Variants in LRBA observed in about 807,000 individuals in gnomAD.
LRBA encodes LPS responsive beige-like anchor protein.
Under a neutral mutation model 330.0 loss-of-function variants are expected in LRBA, and 176 were observed. The observed-to-expected ratio is 0.53, with a 90% CI of 0.47 to 0.60. The LOEUF is 0.60. Among genes scored for constraint, LRBA ranks in the 20% least tolerant of loss-of-function variants. The pLI is 0.00. For missense variants in LRBA, 3,259 were observed against 3,444.8 expected, an observed-to-expected ratio of 0.95 and a Z score of 1.35; for synonymous variants, 1,230 against 1,193.0, an observed-to-expected ratio of 1.03 and a Z score of -0.64.
chr4:150,915,103 T>C (rs1169494613), intron 8 of LRBA, among the ~76,000 whole-genome samples: 1 of 152,138 alleles, frequency 6.6e-6, no homozygotes, highest in African/African-American at 2.4e-5. Flanking sequence ...GGTGTGTGGG[T>C]AGTGTACTTT....
chr4:150,444,852 A>C (rs1181699907), intron 44 of LRBA, among the ~76,000 whole-genome samples: 1 of 152,200 alleles, frequency 6.6e-6, no homozygotes, highest in Non-Finnish European at 1.5e-5. Context: ...TGATAGATTT[A>C]CTAGTGATGT....
At chr4:150,519,594 T>C (rs1235577834) in intron 40 of LRBA, among the ~76,000 whole-genome samples, 5 of 152,182 alleles carry the variant, frequency 3.3e-5, no homozygotes, top group Non-Finnish European at 7.4e-5. Flanking sequence ...TGTAACATGA[T>C]TGGTGTATCT....
intron 41 of LRBA, among the ~76,000 whole-genome samples, chr4:150,489,137 A>C (rs1248397377): frequency 3.0e-5 from 2 of 67,686 alleles, no homozygotes; most frequent in East Asian, 4.8e-4. Flanking sequence ...AAGAATATAT[A>C]ATATATAATA....
Position 150,905,876 on chromosome 4 carries a change from G to A in LRBA, c.1717C>T (p.Leu573Phe). 6.2e-7 allele frequency: 1 copy of A among 1,613,626 alleles called. No individual in the cohort carries two copies. Among genetic ancestry groups the A allele is most frequent in the South Asian group, 1.1e-5 (1 of 91,038 alleles). The change falls in exon 13 of 57, where the codon CTT (leucine) becomes TTT (phenylalanine). Residue 573 changes from leucine (L) to phenylalanine (F), a missense_variant. Physicochemically the swap from Leu to Phe is conservative, Grantham distance 22. Transcript: ENST00000651943. ...PLLKQLCDHV[L>F]LNPAIWIHTP... ...TGAATCCATATGGCAGGATTAAGAA[G>A]AACGTGATCACACAATTGCTTGAGC...
intron 36 of LRBA, 66 bp from the exon 37 acceptor site, chr4:150,683,783 T>C: frequency 8.0e-7 from 1 of 1,253,550 alleles, no homozygotes; most frequent in South Asian, 1.5e-5. Context: ...CATTATGAAA[T>C]AATCTTTACC....
intron 37 of LRBA, among the ~76,000 whole-genome samples, chr4:150,645,760 G>A (rs991145220): frequency 6.6e-6 from 1 of 151,850 alleles, no homozygotes; most frequent in Non-Finnish European, 1.5e-5. Context: ...ATATTTATCT[G>A]TGTGAAAACA....
At chr4:150,308,524 A>G (rs996214846) in intron 52 of LRBA, among the ~76,000 whole-genome samples, 2 of 152,240 alleles carry the variant, frequency 1.3e-5, no homozygotes, top group African/African-American at 4.8e-5. Context: ...CTACCTATAA[A>G]AAGAAAAAGT....
At chr4:150,317,448 T>C (rs1310138849) in intron 50 of LRBA, among the ~76,000 whole-genome samples, 4 of 152,120 alleles carry the variant, frequency 2.6e-5, no homozygotes, top group African/African-American at 9.7e-5. Context: ...AATTACAGTA[T>C]GTATAAGAAA....
chr4:150,868,340 C>T (rs1465590172), intron 20 of LRBA, 35 bp from the exon 21 acceptor site: 3 of 1,505,878 alleles, frequency 2.0e-6, no homozygotes, highest in African/African-American at 1.4e-5. Flanking sequence ...AAAAACCAAA[C>T]TCAACAAAAA....
intron 47 of LRBA, among the ~76,000 whole-genome samples, chr4:150,370,456 T>C (rs1029394783): frequency 1.3e-5 from 2 of 152,198 alleles, no homozygotes; most frequent in Admixed American, 1.3e-4. Context: ...TACTATATGA[T>C]TCCAACTATA....
At chr4:150,709,803 T>C (rs1036466221) in intron 36 of LRBA, among the ~76,000 whole-genome samples, 2 of 151,994 alleles carry the variant, frequency 1.3e-5, no homozygotes, top group Admixed American at 1.3e-4. Flanking sequence ...TAGTTAGATT[T>C]ACATTGGGTG....
intron 32 of LRBA, among the ~76,000 whole-genome samples, chr4:150,807,788 G>A (rs966797195): frequency 1.3e-5 from 2 of 151,978 alleles, no homozygotes; most frequent in Non-Finnish European, 2.9e-5. Context: ...TGGGACTAAA[G>A]GTGTGCACCA....
At chr4:150,328,625 C>A (rs773459395) in intron 48 of LRBA, among the ~76,000 whole-genome samples, 17 of 151,946 alleles carry the variant, frequency 1.1e-4, no homozygotes, top group Admixed American at 2.6e-4. Context: ...ACTCGTTAAG[C>A]CCTAGGATGA....
intron 53 of LRBA, among the ~76,000 whole-genome samples, chr4:150,296,078 A>G (rs1328200125): frequency 2.0e-5 from 3 of 152,258 alleles, no homozygotes; most frequent in Non-Finnish European, 4.4e-5. Context: ...TCTGATTTTT[A>G]TGAATATAAA....
At chr4:150,459,598 C>T (rs1754509256) in intron 44 of LRBA, among the ~76,000 whole-genome samples, 1 of 151,862 alleles carries the variant, frequency 6.6e-6, no homozygotes, top group African/African-American at 2.4e-5. Flanking sequence ...AATGAAACAG[C>T]ATATGTAAAA....
intron 37 of LRBA, among the ~76,000 whole-genome samples, chr4:150,637,531 C>G (rs1778044618): frequency 6.6e-6 from 1 of 152,140 alleles, no homozygotes; most frequent in Non-Finnish European, 1.5e-5. Flanking sequence ...GGGGATGTCA[C>G]TCCAAAAATT....
chr4:150,303,320 CT>C (rs1366404891), intron 52 of LRBA, among the ~76,000 whole-genome samples: 2 of 152,052 alleles, frequency 1.3e-5, no homozygotes, highest in Non-Finnish European at 2.9e-5. Flanking sequence ...GAGCTTCTAC[CT>C]TTTCAAATCA....
At chr4:150,841,427 T>C (rs1749055696) in intron 28 of LRBA, among the ~76,000 whole-genome samples, 1 of 152,188 alleles carries the variant, frequency 6.6e-6, no homozygotes, top group South Asian at 2.1e-4. Context: ...ATACTTACCG[T>C]AGGCCAGGCA....
intron 53 of LRBA, among the ~76,000 whole-genome samples, chr4:150,287,631 G>A (rs1289107726): frequency 6.6e-6 from 1 of 152,212 alleles, no homozygotes; most frequent in East Asian, 1.9e-4. Flanking sequence ...GTAATCCTGA[G>A]TGAGACTTAA....
Sources: gnomAD v4.1 joint callset for allele counts (sites outside exome capture counted in the v4.1 genomes callset) on GRCh38, gnomAD v4.1.1 for gene constraint, MANE v1.5 for transcripts, NCBI Gene and HGNC (gene_info 2026-07-23, HGNC 2026-07-21) for gene names.